The following JAK1 variants were observed in gnomAD, a reference collection of about 807,000 sequenced individuals.
JAK1 encodes the protein Janus kinase 1, also known as tyrosine-protein kinase JAK1.
A neutral mutation model predicts 136.6 loss-of-function variants in JAK1; 16 were observed. That is an observed-to-expected ratio of 0.12 (90% CI 0.08 to 0.18). The LOEUF (loss-of-function observed/expected upper bound fraction) is 0.18, where lower values mean the gene tolerates loss of function less well. Among genes scored for constraint, JAK1 ranks in the 10% least tolerant of loss-of-function variants. The pLI is 1.00. For synonymous variants in JAK1, 492 were observed against 519.5 expected, an observed-to-expected ratio of 0.95 and a Z score of 0.72; for missense variants, 859 against 1,450.1, an observed-to-expected ratio of 0.59 and a Z score of 6.62.
At position 65,028,472 on chromosome 1, in the gene JAK1, A is replaced by AAAGG. The variant is rs559427056; in HGVS notation, c.-78+16004_-78+16007dup. On this transcript the variant is annotated intron_variant, in intron 2 of 25. Transcript: ENST00000671954. ...TGGCAAATGGAAGGAAGAAAGGAAGAAAGGAAGGAAGGGAGGGAGGGAGGG... is the reference window on the plus strand; with the variant it reads ...TGGCAAATGGAAGGAAGAAAGGAAGAAAGGAAGGAAGGAAGGGAGGGAGGGAGGG... 9.2e-3 allele frequency among the ~76,000 whole-genome samples: 1,235 copies of AAAGG among 134,496 alleles called. 23 individuals carry two copies. The highest frequency in any genetic ancestry group is 0.032 in the African/African-American group (1,177 of 36,316). 88.2% of individuals were successfully genotyped at this position (134,496 alleles called of 152,430 possible). A position where few individuals can be genotyped will look rare whatever the true frequency, so the allele number is the denominator to read the frequency against.
At chr1:64,910,387 CA>C (rs1479210649) in intron 1 of JAK1, among the ~76,000 whole-genome samples, 1 of 151,572 alleles carries the variant, frequency 6.6e-6, no homozygotes, top group Non-Finnish European at 1.5e-5. Flanking sequence ...CTCTCGTTGT[CA>C]AAAAAGGGAA....
intron 2 of JAK1, among the ~76,000 whole-genome samples, chr1:64,988,483 C>CA (rs1378138450): frequency 6.6e-6 from 1 of 152,052 alleles, no homozygotes; most frequent in Non-Finnish European, 1.5e-5. Flanking sequence ...CTGTCCCCCC[C>CA]ATAGAAACTC....
At chr1:64,921,142 T>C (rs1161174425) in intron 1 of JAK1, among the ~76,000 whole-genome samples, 3 of 152,202 alleles carry the variant, frequency 2.0e-5, no homozygotes, top group African/African-American at 4.8e-5. Flanking sequence ...CATCTGAATA[T>C]GATGAGATGT....
intron 1 of JAK1, among the ~76,000 whole-genome samples, chr1:64,897,962 CA>C (rs1645049128): frequency 6.6e-6 from 1 of 152,072 alleles, no homozygotes; most frequent in Non-Finnish European, 1.5e-5. Context: ...TGAGAAAGGA[CA>C]ATAAAATTTA....
intron 2 of JAK1, among the ~76,000 whole-genome samples, chr1:65,032,767 T>C (rs951293094): frequency 3.5e-4 from 53 of 152,360 alleles, no homozygotes; most frequent in African/African-American, 1.2e-3. Context: ...TTACCTTTGC[T>C]ACTGTCTATT....
At chr1:65,003,697 A>G (rs1024246454) in intron 2 of JAK1, 1 of 151,918 alleles carries the variant, frequency 6.6e-6, no homozygotes, top group African/African-American at 2.4e-5. Context: ...TTTGACTCCA[A>G]ATTCTTGTTA....
At chr1:64,989,356 TAAA>T (rs1238672197) in intron 2 of JAK1, 1 of 149,722 alleles carries the variant, frequency 6.7e-6, no homozygotes, top group Non-Finnish European at 1.5e-5. Flanking sequence ...AATAAATAAA[TAAA>T]TAAATAAATA....
At chr1:65,014,879 G>T (rs1283114993) in intron 2 of JAK1, among the ~76,000 whole-genome samples, 1 of 151,862 alleles carries the variant, frequency 6.6e-6, no homozygotes, top group Non-Finnish European at 1.5e-5. Context: ...TAGAGACAGG[G>T]TTTCACCGTG....
intron 9 of JAK1, among the ~76,000 whole-genome samples, chr1:64,859,211 G>A (rs1656138725): frequency 6.6e-6 from 1 of 152,240 alleles, no homozygotes; most frequent in South Asian, 2.1e-4. Flanking sequence ...CAGATATTCT[G>A]TGGTCTGAAA....
In JAK1 at chr1:64,930,394, G is replaced by GA. The variant is rs562767113; in HGVS notation, c.-78+35938dup. Among the ~76,000 whole-genome samples, 303 of 152,186 alleles carry GA rather than the reference G, an allele frequency of 2.0e-3. 1 individual carries two copies. The highest frequency in any genetic ancestry group is 7.0e-3 in the African/African-American group (292 of 41,536). ...ATTTATGTGGCCAACAAACATAGGGGAAAAAAGCTCATCATCACTGTTCAT... is the reference window on the plus strand; with the variant it reads ...ATTTATGTGGCCAACAAACATAGGGGAAAAAAAGCTCATCATCACTGTTCAT... On this transcript the variant is annotated intron_variant, in intron 1 of 24. Transcript: ENST00000342505.
At chr1:65,007,121 C>T (rs1363584358) in intron 2 of JAK1, among the ~76,000 whole-genome samples, 2 of 152,138 alleles carry the variant, frequency 1.3e-5, no homozygotes, top group Non-Finnish European at 2.9e-5. Context: ...TGGATAAGCG[C>T]TTAAAGGAAG....
Position 64,939,991 on chromosome 1 carries a change from T to C in JAK1, c.-78+26342A>G, listed in dbSNP as rs1330110870. On this transcript the variant is annotated intron_variant, in intron 1 of 24. Transcript: ENST00000342505. ...CCAAAGTAAATGCTGCTGAATTTCA[T>C]ACAAATATTCACGAACATTACATAT... 5.3e-5 allele frequency among the ~76,000 whole-genome samples: 8 copies of C among 152,224 alleles called. 1 individual carries two copies. The highest frequency in any genetic ancestry group is 8.8e-5 in the Non-Finnish European group (6 of 68,044).
At chr1:64,845,177 T>G (rs977239119) in intron 15 of JAK1, among the ~76,000 whole-genome samples, 5 of 152,130 alleles carry the variant, frequency 3.3e-5, no homozygotes, top group Non-Finnish European at 7.4e-5. Context: ...TGGTGAGCAC[T>G]CCACACGTCA....
At chr1:64,913,687 G>GGAAA (rs1557686639) in intron 1 of JAK1, among the ~76,000 whole-genome samples, 42 of 33,084 alleles carry the variant, frequency 1.3e-3, no homozygotes, top group South Asian at 2.7e-3. Flanking sequence ...AAGGAAGGAA[G>GGAAA]GAAGGAAGGA....
At chr1:65,053,694 T>G (rs1647396982) in intron 1 of JAK1, among the ~76,000 whole-genome samples, 1 of 151,714 alleles carries the variant, frequency 6.6e-6, no homozygotes, top group African/African-American at 2.4e-5. Context: ...ACAAAAAAAT[T>G]TTTGAAAAAT....
chr1:64,860,411 C>T (rs1656215074), intron 8 of JAK1, 149 bp from the exon 9 acceptor site: 1 of 302,292 alleles, frequency 3.3e-6, no homozygotes, highest in African/African-American at 4.4e-5. Flanking sequence ...AAATATACCC[C>T]TTGCATGCAT....
At chr1:64,946,283 C>A (rs762473391) in intron 1 of JAK1, among the ~76,000 whole-genome samples, 3 of 152,142 alleles carry the variant, frequency 2.0e-5, no homozygotes, top group Non-Finnish European at 2.9e-5. Context: ...TGACCACCTA[C>A]CACTGGCTAT....
chr1:64,981,768 G>A (rs916159709), intron 2 of JAK1, among the ~76,000 whole-genome samples: 2 of 152,140 alleles, frequency 1.3e-5, no homozygotes, highest in African/African-American at 4.8e-5. Flanking sequence ...ATTTGCCAGT[G>A]TTTACACTAT....
At chr1:65,013,791 C>T (rs1002232631) in intron 2 of JAK1, among the ~76,000 whole-genome samples, 5 of 151,974 alleles carry the variant, frequency 3.3e-5, no homozygotes, top group South Asian at 2.1e-4. Flanking sequence ...ATAAGCATCA[C>T]GTATGAGAGC....
Sources: allele counts gnomAD v4.1 joint callset (sites outside exome capture counted in the v4.1 genomes callset), GRCh38; gene constraint gnomAD v4.1.1; transcripts MANE v1.5; gene names NCBI Gene and HGNC (gene_info 2026-07-23, HGNC 2026-07-21).